Variants in FANCB observed in about 807,000 individuals in gnomAD.
The protein encoded by FANCB is FA complementation group B.
Under a neutral mutation model 38.9 loss-of-function variants are expected in FANCB, and 5 were observed. The ratio of observed to expected loss-of-function variants is 0.13; its 90% CI spans 0.07 to 0.27. The LOEUF (loss-of-function observed/expected upper bound fraction) is 0.27. Ranked by LOEUF, FANCB falls within the 10% of genes least tolerant of loss-of-function variation. The pLI, the probability that FANCB is intolerant of heterozygous loss-of-function variation, is 1.00. For synonymous variants in FANCB, 236 were observed against 215.4 expected (o/e 1.10, Z -0.84); for missense variants, 573 against 602.7 (o/e 0.95, Z 0.52).
At chrX:14,791,564 T>C in the FANCB span, among the ~76,000 whole-genome samples, 1 of 111,972 alleles carries the variant, frequency 8.9e-6, no homozygotes, top group Non-Finnish European at 1.9e-5. Flanking sequence ...GTGTGAAATC[T>C]GAGCATGGGA....
chrX:14,722,544 T>G, the FANCB span, among the ~76,000 whole-genome samples: 1 of 111,685 alleles, frequency 9.0e-6, no homozygotes, highest in Non-Finnish European at 1.9e-5. Flanking sequence ...ACAGACCCCA[T>G]GTCTCAATGG....
the FANCB span, among the ~76,000 whole-genome samples, chrX:14,753,030 T>C: frequency 5.4e-5 from 5 of 93,332 alleles, no homozygotes; most frequent in East Asian, 4.0e-4. Flanking sequence ...CACACACACA[T>C]TAGTTTTTCT....
At chrX:14,811,112 A>C in the FANCB span, among the ~76,000 whole-genome samples, 1 of 110,914 alleles carries the variant, frequency 9.0e-6, no homozygotes, top group Admixed American at 9.5e-5. Context: ...AGACAAGCAA[A>C]TGCTGAGAGA....
At chrX:14,791,375 T>C in the FANCB span, among the ~76,000 whole-genome samples, 5 of 111,269 alleles carry the variant, frequency 4.5e-5, no homozygotes, top group Admixed American at 2.9e-4. Context: ...GAACTAGAAA[T>C]TGGGAGAGAG....
the FANCB span, among the ~76,000 whole-genome samples, chrX:14,713,835 G>T: frequency 9.0e-6 from 1 of 111,167 alleles, no homozygotes; most frequent in Non-Finnish European, 1.9e-5. Context: ...CTTATGAGGA[G>T]AACCACTGGA....
At position 14,853,150 on chromosome X, in the gene FANCB, A is replaced by C. The variant is rs758546007; in HGVS notation, c.1215T>G (p.Phe405Leu). The C allele has an allele frequency of 8.3e-7, 1 of 1,207,397 alleles. No individual in the cohort carries two copies. The highest frequency in any genetic ancestry group is 3.0e-5 in the East Asian group (1 of 33,654). Reference sequence around the variant, plus strand: ...GCAACAGATGCTGCCGTAATTCCCGAAAAGAAGAAAAACAAACCTGTAAAG... The same window carrying C: ...GCAACAGATGCTGCCGTAATTCCCGCAAAGAAGAAAAACAAACCTGTAAAG... ...ETGLKVCFSSFRELRQHLLLK... is the reference protein window; with the variant it reads ...ETGLKVCFSSLRELRQHLLLK... The change falls in exon 6 of 10, where the codon TTT (phenylalanine) becomes TTG (leucine). Residue 405 changes from phenylalanine to leucine, a missense_variant. Phe to Leu is a conservative substitution (Grantham distance 22). Transcript: ENST00000650831.
At chrX:14,822,113 T>C in the FANCB span, among the ~76,000 whole-genome samples, 2 of 111,236 alleles carry the variant, frequency 1.8e-5, no homozygotes, top group East Asian at 5.7e-4. Flanking sequence ...CATAGACCTT[T>C]AAGGAGCGCC....
chrX:14,740,171 C>A, the FANCB span, among the ~76,000 whole-genome samples: 2 of 111,938 alleles, frequency 1.8e-5, no homozygotes, highest in Non-Finnish European at 3.8e-5. Flanking sequence ...ATAATCATTT[C>A]TTATACTATT....
chrX:14,689,533 C>T, the FANCB span, among the ~76,000 whole-genome samples: 2 of 111,942 alleles, frequency 1.8e-5, no homozygotes, highest in Admixed American at 1.9e-4. Context: ...GTTCCAATTC[C>T]AATCTTGACT....
the FANCB span, among the ~76,000 whole-genome samples, chrX:14,811,754 A>C: frequency 9.0e-6 from 1 of 111,256 alleles, no homozygotes; most frequent in African/African-American, 3.3e-5. Flanking sequence ...AGACAGATCA[A>C]CGAGACAGAA....
At chrX:14,812,687 A>G in the FANCB span, among the ~76,000 whole-genome samples, 1 of 108,249 alleles carries the variant, frequency 9.2e-6, no homozygotes, top group African/African-American at 3.4e-5. Context: ...CTTACCAACC[A>G]AAAAGAGTCC....
At chrX:14,819,468 G>A in the FANCB span, among the ~76,000 whole-genome samples, 3 of 111,436 alleles carry the variant, frequency 2.7e-5, no homozygotes, top group East Asian at 2.8e-4. Context: ...CAGGGGAGCC[G>A]AGGATCTGAG....
chrX:14,867,436 A>G (rs1260238715), intron 2 of FANCB, among the ~76,000 whole-genome samples: 1 of 111,047 alleles, frequency 9.0e-6, no homozygotes, highest in African/African-American at 3.3e-5. Context: ...TCATGCACCA[A>G]CAACCAACTA....
chrX:14,745,654 C>T, the FANCB span, among the ~76,000 whole-genome samples: 2 of 100,531 alleles, frequency 2.0e-5, no homozygotes, highest in Admixed American at 2.2e-4. Context: ...AAAATGAATA[C>T]AAGTCTTGAG....
chrX:14,709,760 C>G, the FANCB span, among the ~76,000 whole-genome samples: 1 of 111,677 alleles, frequency 9.0e-6, no homozygotes, highest in Admixed American at 9.5e-5. Flanking sequence ...AGCTATACCC[C>G]CTCCTTACTC....
the FANCB span, among the ~76,000 whole-genome samples, chrX:14,800,938 T>C: frequency 9.0e-6 from 1 of 111,697 alleles, no homozygotes; most frequent in Non-Finnish European, 1.9e-5. Context: ...TGCTCATTAG[T>C]AAGTAATCTG....
chrX:14,747,697 A>G, the FANCB span, among the ~76,000 whole-genome samples: 5 of 112,057 alleles, frequency 4.5e-5, no homozygotes, highest in African/African-American at 1.6e-4. Flanking sequence ...TAAGAAAAAT[A>G]TCACTGCAGA....
downstream of FANCB, among the ~76,000 whole-genome samples, chrX:14,840,136 C>T (rs1401150163): frequency 1.8e-5 from 2 of 111,884 alleles, no homozygotes; most frequent in African/African-American, 3.3e-5. Context: ...GGATTACAGG[C>T]GTGAGCCACT....
the FANCB span, among the ~76,000 whole-genome samples, chrX:14,711,880 T>C: frequency 8.9e-6 from 1 of 112,371 alleles, no homozygotes; most frequent in African/African-American, 3.2e-5. Flanking sequence ...TATCTTACAA[T>C]AATTTTCTTA....
Sources: allele counts gnomAD v4.1 joint callset (sites outside exome capture counted in the v4.1 genomes callset), GRCh38; gene constraint gnomAD v4.1.1; transcripts MANE v1.5; gene names NCBI Gene and HGNC (gene_info 2026-07-23, HGNC 2026-07-21).